Variants in ASTN1 observed in about 807,000 individuals in gnomAD.
The protein encoded by ASTN1 is astrotactin-1.
ASTN1 carries 41 observed loss-of-function variants against 140.7 expected under a neutral mutation model. The ratio of observed to expected loss-of-function variants is 0.29; its 90% confidence interval spans 0.23 to 0.38. ASTN1 has a LOEUF of 0.38. ASTN1 is among the 10% of genes least tolerant of loss of function. ASTN1 has a pLI of 1.00. For synonymous variants in ASTN1, 640 were observed against 652.2 expected, an observed-to-expected ratio of 0.98 and a Z score of 0.29; for missense variants, 1,479 against 1,678.8, an observed-to-expected ratio of 0.88 and a Z score of 2.08.
chr1:176,891,694 G>A (rs1406195985), intron 17 of ASTN1, among the ~76,000 whole-genome samples: 1 of 152,172 alleles, frequency 6.6e-6, no homozygotes, highest in Non-Finnish European at 1.5e-5. Flanking sequence ...TCGGGAGGCT[G>A]AGGCAGGAGA....
chr1:177,027,086 T>C (rs1676156244), intron 5 of ASTN1, among the ~76,000 whole-genome samples: 1 of 152,220 alleles, frequency 6.6e-6, no homozygotes, highest in South Asian at 2.1e-4. Context: ...AAGACCATCA[T>C]AGTTTATGTC....
intron 8 of ASTN1, among the ~76,000 whole-genome samples, chr1:176,982,194 T>C (rs902080376): frequency 5.9e-5 from 9 of 152,190 alleles, no homozygotes; most frequent in African/African-American, 1.7e-4. Flanking sequence ...CTGTGAGTTA[T>C]AGGGTTTGTT....
chr1:176,891,413 T>C (rs892030795), intron 17 of ASTN1, among the ~76,000 whole-genome samples: 1 of 152,184 alleles, frequency 6.6e-6, no homozygotes, highest in Non-Finnish European at 1.5e-5. Flanking sequence ...GCACTGGGAT[T>C]CTGGAGAAGA....
At position 176,887,725 on chromosome 1, in the gene ASTN1, T is replaced by A. The variant is rs180952149; in HGVS notation, c.3074+346A>T. The stretch of plus-strand genomic sequence containing the variant: ...AGATCTCTAACTTCTTCCATTACAA[T>A]GGCACTTTTCTCCCCATTGTCTTCT... On this transcript the variant is annotated intron_variant, in intron 18 of 22. Coordinates refer to ENST00000361833, the MANE Select transcript of ASTN1 (RefSeq NM_004319.3). 1.5e-4 allele frequency among the ~76,000 whole-genome samples: 10 copies of A among 66,436 alleles called. No individual in the cohort carries two copies. In the East Asian group the frequency reaches 2.7e-3, roughly 18 times the overall value. The allele number at this position is 66,436 out of a possible 152,430, so 43.6% of individuals were successfully genotyped here.
intron 14 of ASTN1, among the ~76,000 whole-genome samples, chr1:176,941,051 G>A (rs1162635972): frequency 6.6e-6 from 1 of 152,192 alleles, no homozygotes; most frequent in African/African-American, 2.4e-5. Context: ...GCTTGGAAAT[G>A]ATGATATAGA....
chr1:177,032,434 C>A, intron 3 of ASTN1, 22 bp downstream of exon 3: 1 of 1,606,246 alleles, frequency 6.2e-7, no homozygotes, highest in South Asian at 1.1e-5. Flanking sequence ...CAAACAGCCC[C>A]TTGCCTTTCT....
intron 20 of ASTN1, among the ~76,000 whole-genome samples, chr1:176,879,056 A>G (rs1442335971): frequency 1.3e-5 from 2 of 152,080 alleles, no homozygotes; most frequent in African/African-American, 4.8e-5. Context: ...CAGTGTCAGG[A>G]GATAGGAAGT....
At chr1:177,133,746 G>A (rs896527285) in intron 1 of ASTN1, among the ~76,000 whole-genome samples, 10 of 152,126 alleles carry the variant, frequency 6.6e-5, no homozygotes, top group African/African-American at 2.4e-4. Context: ...CCCTGTAAAG[G>A]TCTAGTTTAT....
intron 16 of ASTN1, among the ~76,000 whole-genome samples, chr1:176,897,655 TGGA>T (rs1238169530): frequency 6.6e-6 from 1 of 152,152 alleles, no homozygotes; most frequent in African/African-American, 2.4e-5. Flanking sequence ...AAAAATGTTG[TGGA>T]GGTACAATTT....
rs553796927 is a variant in ASTN1, at chr1:176,959,914, A to C, written c.1599-1432T>G. On this transcript the variant is annotated intron_variant, in intron 9 of 22. Coordinates refer to ENST00000361833, the MANE Select transcript of ASTN1 (RefSeq NM_004319.3). ...TATCAAGCAGTAGGTCTGTGCAGGG[A>C]GGTGCCTGCACCAGGGGAGGAAAGC... Among the ~76,000 whole-genome samples, 4 of 152,280 alleles carry C rather than the reference A, an allele frequency of 2.6e-5. No individual in the cohort carries two copies. In the South Asian group the frequency reaches 8.3e-4, roughly 32 times the overall value.
chr1:177,125,148 C>A (rs914862129), intron 1 of ASTN1, among the ~76,000 whole-genome samples: 5 of 152,054 alleles, frequency 3.3e-5, no homozygotes, highest in African/African-American at 4.8e-5. Context: ...ACAATAAATG[C>A]CAAATGATTT....
chr1:176,955,486 C>T (rs913795673), intron 11 of ASTN1, among the ~76,000 whole-genome samples: 4 of 152,206 alleles, frequency 2.6e-5, no homozygotes, highest in Non-Finnish European at 4.4e-5. Flanking sequence ...TCTGCCAATC[C>T]GCCTGCCCCT....
intron 15 of ASTN1, among the ~76,000 whole-genome samples, chr1:176,935,559 C>T (rs1671405898): frequency 6.6e-6 from 1 of 152,164 alleles, no homozygotes; most frequent in Admixed American, 6.5e-5. Context: ...TCTTTATGCA[C>T]AAAACTTTAC....
intron 1 of ASTN1, among the ~76,000 whole-genome samples, chr1:177,151,005 G>T (rs1462029502): frequency 6.6e-6 from 1 of 152,014 alleles, no homozygotes; most frequent in Non-Finnish European, 1.5e-5. Flanking sequence ...AGTTAATAAT[G>T]CGTTCTTGTG....
At chr1:176,967,946 T>C (rs189227974) in intron 8 of ASTN1, among the ~76,000 whole-genome samples, 14 of 150,032 alleles carry the variant, frequency 9.3e-5, no homozygotes, top group East Asian at 2.0e-4. Flanking sequence ...GTAGACCCCA[T>C]CCTGATCACA....
chr1:177,075,423 C>A (rs1470436414), intron 1 of ASTN1, among the ~76,000 whole-genome samples: 3 of 145,696 alleles, frequency 2.1e-5, no homozygotes, highest in Admixed American at 6.8e-5. Flanking sequence ...TTTCATTCAT[C>A]AAAAAAAAAA....
intron 16 of ASTN1, among the ~76,000 whole-genome samples, chr1:176,919,893 G>A (rs1004141019): frequency 6.6e-6 from 1 of 152,184 alleles, no homozygotes; most frequent in Non-Finnish European, 1.5e-5. Flanking sequence ...TGCCAGCTGT[G>A]GTTTTACCCT....
intron 7 of ASTN1, among the ~76,000 whole-genome samples, chr1:177,018,358 AC>A (rs933062202): frequency 6.6e-6 from 1 of 152,190 alleles, no homozygotes; most frequent in African/African-American, 2.4e-5. Flanking sequence ...CAGCCAACCA[AC>A]CAACCAACAA....
chr1:177,163,029 G>C (rs908145001), intron 1 of ASTN1, among the ~76,000 whole-genome samples: 6 of 152,172 alleles, frequency 3.9e-5, no homozygotes, highest in African/African-American at 1.4e-4. Context: ...TTTTCCCTAA[G>C]GGTTGGGGAG....
Sources: allele counts gnomAD v4.1 joint callset (sites outside exome capture counted in the v4.1 genomes callset), GRCh38; gene constraint gnomAD v4.1.1; transcripts MANE v1.5; gene names NCBI Gene and HGNC (gene_info 2026-07-23, HGNC 2026-07-21).